Variants in SCFD1 observed in about 807,000 individuals in gnomAD.
SCFD1 encodes the protein sec1 family domain containing 1, also known as sec1 family domain-containing protein 1.
SCFD1 carries 37 observed loss-of-function variants against 103.2 expected under a neutral mutation model. The ratio of observed to expected loss-of-function variants is 0.36; its 90% CI spans 0.28 to 0.47. The LOEUF is 0.47. Ranked by LOEUF, SCFD1 falls within the 20% of genes least tolerant of loss-of-function variation. The pLI is 1.00. For synonymous variants in SCFD1, 264 were observed against 245.0 expected (o/e 1.08, Z -0.73); for missense variants, 639 against 761.2 (o/e 0.84, Z 1.89).
intron 10 of SCFD1, among the ~76,000 whole-genome samples, chr14:30,668,072 A>G (rs1201265817): frequency 1.3e-5 from 2 of 152,248 alleles, no homozygotes; most frequent in Non-Finnish European, 2.9e-5. Context: ...TGGAACCAAA[A>G]AAGAGCCCGC....
intron 1 of SCFD1, among the ~76,000 whole-genome samples, chr14:30,622,766 T>C (rs1566565116): frequency 6.6e-6 from 1 of 152,320 alleles, no homozygotes; most frequent in Non-Finnish European, 1.5e-5. Flanking sequence ...TTTTGATTTT[T>C]AAGAGAACTC....
chr14:30,691,563 A>G (rs1204481788), intron 14 of SCFD1, among the ~76,000 whole-genome samples: 1 of 152,210 alleles, frequency 6.6e-6, no homozygotes, highest in Non-Finnish European at 1.5e-5. Flanking sequence ...CTCCCTCATA[A>G]TCAGTATATT....
intron 17 of SCFD1, among the ~76,000 whole-genome samples, chr14:30,703,912 T>G (rs1891251790): frequency 1.1e-4 from 1 of 9,088 alleles, no homozygotes; most frequent in South Asian, 2.9e-3. Context: ...AATATTTGCA[T>G]ATATATATAT....
chr14:30,644,798 G>A lies in SCFD1; in HGVS notation c.613+1393G>A, dbSNP rs570268091. On this transcript the variant is annotated intron_variant, in intron 7 of 24. Coordinates refer to ENST00000458591, the MANE Select transcript of SCFD1 (RefSeq NM_016106.4). Reference sequence around the variant, plus strand: ...ATTCTGTAGGTTGTCCATTCACTTTGCTGATAGTTTGTTTTGCTGTGCAGA... The same window carrying A: ...ATTCTGTAGGTTGTCCATTCACTTTACTGATAGTTTGTTTTGCTGTGCAGA... 6.6e-5 allele frequency among the ~76,000 whole-genome samples: 10 copies of A among 152,242 alleles called. No individual in the cohort carries two copies. In the South Asian group the frequency reaches 1.7e-3, roughly 25 times the overall value.
chr14:30,673,861 G>C, intron 12 of SCFD1, 63 bp from the exon 13 acceptor site: 1 of 1,131,050 alleles, frequency 8.8e-7, no homozygotes, highest in South Asian at 1.2e-5. Flanking sequence ...CTTAGGATGT[G>C]TTGATTTTTA....
intron 10 of SCFD1, among the ~76,000 whole-genome samples, chr14:30,662,437 A>G (rs895996405): frequency 2.0e-5 from 3 of 152,250 alleles, no homozygotes; most frequent in Admixed American, 2.0e-4. Flanking sequence ...GTTCACTTCC[A>G]TCGTTATCAA....
intron 14 of SCFD1, among the ~76,000 whole-genome samples, chr14:30,682,746 A>G (rs1003220768): frequency 1.3e-5 from 2 of 152,226 alleles, no homozygotes; most frequent in Non-Finnish European, 1.5e-5. Context: ...TAAACATGTG[A>G]AGAAGTAAGA....
intron 14 of SCFD1, among the ~76,000 whole-genome samples, chr14:30,689,869 TGGA>T (rs1321442925): frequency 2.2e-3 from 295 of 136,742 alleles, no homozygotes; most frequent in East Asian, 0.014. Flanking sequence ...TGCGTTCCTT[TGGA>T]GGAGGAGAGG....
intron 7 of SCFD1, among the ~76,000 whole-genome samples, chr14:30,649,154 A>G (rs796085147): frequency 2.6e-5 from 4 of 152,174 alleles, no homozygotes; most frequent in African/African-American, 9.6e-5. Context: ...ACTTATTTTT[A>G]CCCTTGAAAT....
intron 10 of SCFD1, among the ~76,000 whole-genome samples, chr14:30,669,364 T>G (rs577876055): frequency 1.6e-4 from 25 of 152,240 alleles, no homozygotes; most frequent in Middle Eastern, 3.4e-3. Flanking sequence ...ATTTACTTGT[T>G]GATAGTCATG....
At chr14:30,711,043 C>T (rs1488510962) in intron 19 of SCFD1, among the ~76,000 whole-genome samples, 2 of 152,116 alleles carry the variant, frequency 1.3e-5, no homozygotes, top group Non-Finnish European at 2.9e-5. Context: ...CACATAAAAC[C>T]AGTTGAATGT....
At chr14:30,713,319 G>A (rs1325651279) in intron 19 of SCFD1, among the ~76,000 whole-genome samples, 3 of 152,120 alleles carry the variant, frequency 2.0e-5, no homozygotes, top group Admixed American at 2.0e-4. Context: ...TATGGGAGTG[G>A]TAGATGTGTA....
intron 23 of SCFD1, among the ~76,000 whole-genome samples, chr14:30,727,327 G>A (rs568284189): frequency 6.6e-6 from 1 of 152,304 alleles, no homozygotes; most frequent in East Asian, 1.9e-4. Flanking sequence ...CAACAAAATC[G>A]TTTGTGTGCA....
At chr14:30,666,776 C>T (rs1039577265) in intron 10 of SCFD1, among the ~76,000 whole-genome samples, 8 of 152,162 alleles carry the variant, frequency 5.3e-5, no homozygotes, top group African/African-American at 1.9e-4. Flanking sequence ...ATAAACACCT[C>T]TATGCAAATA....
chr14:30,666,272 C>T lies in SCFD1; in HGVS notation c.856-3984C>T, dbSNP rs142506318. Among the ~76,000 whole-genome samples, 381 of 152,320 alleles carry T rather than the reference C, an allele frequency of 2.5e-3. 5 individuals are homozygous for T. Among genetic ancestry groups the T allele is most frequent in the Admixed American group, 5.0e-3 (76 of 15,304 alleles). On this transcript the variant is annotated intron_variant, in intron 10 of 24. Coordinates refer to ENST00000458591, the MANE Select transcript of SCFD1 (RefSeq NM_016106.4). Reference sequence around the variant, plus strand: ...AAACTTACTCAAAACCGCACAACTACCTGGAAACTGAACAACCTGCTTCTG... The same window carrying T: ...AAACTTACTCAAAACCGCACAACTATCTGGAAACTGAACAACCTGCTTCTG...
chr14:30,723,276 A>G (rs564763267), intron 23 of SCFD1, among the ~76,000 whole-genome samples: 2 of 152,300 alleles, frequency 1.3e-5, no homozygotes, highest in Middle Eastern at 3.4e-3. Flanking sequence ...TCCAAAACAA[A>G]TAACTACTCT....
At chr14:30,634,691 G>T in intron 4 of SCFD1, 1 of 401,772 alleles carries the variant, frequency 2.5e-6, no homozygotes, top group South Asian at 1.8e-5. Flanking sequence ...CCACACTGGT[G>T]CAGAAGTACT....
In SCFD1 at chr14:30,734,787, C is replaced by T. The variant is rs747220226; in HGVS notation, c.1837-3C>T. The T allele has an allele frequency of 6.8e-6, 11 of 1,610,264 alleles. No homozygotes were observed. In the African/African-American group the frequency reaches 1.3e-4, roughly 20 times the overall value. On this transcript the variant is annotated splice_region_variant and splice_polypyrimidine_tract_variant and intron_variant, in intron 23 of 24. Coordinates refer to ENST00000458591, the MANE Select transcript of SCFD1 (RefSeq NM_016106.4). ...ATCTAAGTTCTGACTCTGATTTTTA[C>T]AGGGGAAACAAGGCAAACACATTTT...
At chr14:30,709,907 CAT>C (rs1891746533) in intron 19 of SCFD1, among the ~76,000 whole-genome samples, 1 of 152,190 alleles carries the variant, frequency 6.6e-6, no homozygotes, top group African/African-American at 2.4e-5. Flanking sequence ...TTTTTCTTCA[CAT>C]GTCACTGTTA....
Sources: gnomAD v4.1 joint callset for allele counts (sites outside exome capture counted in the v4.1 genomes callset) on GRCh38, gnomAD v4.1.1 for gene constraint, MANE v1.5 for transcripts, NCBI Gene and HGNC (gene_info 2026-07-23, HGNC 2026-07-21) for gene names.